MED9: variants seen among roughly 807,000 people sequenced by gnomAD.
The protein encoded by MED9 is mediator of RNA polymerase II transcription subunit 9.
In MED9, 8 loss-of-function variants were observed where a neutral mutation model predicts 13.2. The observed-to-expected ratio is 0.61, with a 90% confidence interval of 0.36 to 1.10. The LOEUF (loss-of-function observed/expected upper bound fraction) is 1.10, where lower values mean the gene tolerates loss of function less well. Among genes scored for constraint, MED9 ranks in the 50% least tolerant of loss-of-function variants. The pLI, the probability that MED9 is intolerant of heterozygous loss-of-function variation, is 0.02. For missense variants in MED9, 180 were observed against 193.4 expected (o/e 0.93, Z 0.41); for synonymous variants, 87 against 82.8 (o/e 1.05, Z -0.28).
chr17:17,489,963 C>G (rs1300786744), intron 1 of MED9, among the ~76,000 whole-genome samples: 1 of 152,188 alleles, frequency 6.6e-6, no homozygotes, highest in Non-Finnish European at 1.5e-5. Context: ...TGAATTAGCA[C>G]CATCTGGGTT....
intron 1 of MED9, among the ~76,000 whole-genome samples, chr17:17,481,530 T>C (rs1905033740): frequency 6.6e-6 from 1 of 152,226 alleles, no homozygotes; most frequent in South Asian, 2.1e-4. Flanking sequence ...GAATTACATA[T>C]GAATGTCATT....
At chr17:17,488,016 T>C (rs1182626747) in intron 1 of MED9, 1 of 152,258 alleles carries the variant, frequency 6.6e-6, no homozygotes, top group Non-Finnish European at 1.5e-5. Context: ...TAATGAGATT[T>C]CCCTTTTCTA....
At chr17:17,477,363 C>G (rs114377200) in intron 1 of MED9, 98 bp downstream of exon 1, 3 of 1,332,078 alleles carry the variant, frequency 2.3e-6, no homozygotes, top group Non-Finnish European at 3.0e-6. Context: ...GGGGCACGCC[C>G]CCGTTTCACA....
At chr17:17,482,015 A>G (rs1332009487) in intron 1 of MED9, among the ~76,000 whole-genome samples, 1 of 152,190 alleles carries the variant, frequency 6.6e-6, no homozygotes, top group African/African-American at 2.4e-5. Context: ...ACAAGTACCC[A>G]TGGATATGAA....
rs534005280 is a variant in MED9 at position 17,478,159 on chromosome 17, C to G, written c.224+894C>G. 8.5e-5 allele frequency among the ~76,000 whole-genome samples: 13 copies of G among 152,280 alleles called. No individual in the cohort carries two copies. The South Asian group carries it at 2.5e-3, about 29-fold the overall frequency. ...CACAGGCATGAGCCATGGCACCCAG[C>G]GAATTTTTGTATTTTTTGTAGAGAT... is the stretch of plus-strand genomic sequence containing the variant. On this transcript the variant is annotated intron_variant, in intron 1 of 1. Transcript: ENST00000268711.
intron 1 of MED9, among the ~76,000 whole-genome samples, chr17:17,484,692 A>G (rs1172491448): frequency 6.6e-6 from 1 of 152,248 alleles, no homozygotes; most frequent in African/African-American, 2.4e-5. Flanking sequence ...GACTGCTCAG[A>G]TGAGGTGTTT....
chr17:17,481,005 G>A lies in MED9; in HGVS notation c.224+3740G>A, dbSNP rs1372675485. 2.0e-5 allele frequency among the ~76,000 whole-genome samples: 3 copies of A among 152,210 alleles called. No individual in the cohort carries two copies. The East Asian group carries it at 5.8e-4, about 29-fold the overall frequency. ...GTATAGGAAAAACATGTAAGGACAC[G>A]AAGCCAAGAAATAGCATCTACTCAT... On this transcript the variant is annotated intron_variant, in intron 1 of 1. Coordinates refer to ENST00000268711, the MANE Select transcript of MED9 (RefSeq NM_018019.3).
In MED9 at chr17:17,491,456, G is replaced by C. The variant is rs771194558; in HGVS notation, c.402G>C (p.Lys134Asn). ...GGACCAAGAATGAGCTTCTGCAAAA[G>C]TACAAGAGCCTCTGCATGTTCGAAA... ...QVRTKNELLQ[K>N]YKSLCMFEIP... is the part of the protein sequence containing the mutation. The change falls in exon 2 of 2, where the codon AAG (lysine) becomes AAC (asparagine). Residue 134 changes from lysine (K) to asparagine (N), a missense_variant. Coordinates refer to ENST00000268711, the MANE Select transcript of MED9 (RefSeq NM_018019.3). 1 of 1,614,040 alleles carries C rather than the reference G, an allele frequency of 6.2e-7. No homozygotes were observed. The highest frequency in any genetic ancestry group is 1.1e-5 in the South Asian group (1 of 91,084).
At chr17:17,490,473 C>T (rs976816233) in intron 1 of MED9, among the ~76,000 whole-genome samples, 6 of 152,162 alleles carry the variant, frequency 3.9e-5, no homozygotes, top group African/African-American at 1.2e-4. Context: ...GAGCAACTGC[C>T]AGGCTGTTTT....
intron 1 of MED9, among the ~76,000 whole-genome samples, chr17:17,478,271 A>G (rs942698670): frequency 1.2e-4 from 19 of 152,214 alleles, no homozygotes; most frequent in African/African-American, 4.6e-4. Flanking sequence ...GTAAACCCCT[A>G]GGCTTGTAAC....
chr17:17,477,130 T>C lies in MED9; in HGVS notation c.89T>C (p.Leu30Pro). 1 of 1,607,766 alleles carries C rather than the reference T, an allele frequency of 6.2e-7. No individual in the cohort carries two copies. The highest frequency in any genetic ancestry group is 8.5e-7 in the Non-Finnish European group (1 of 1,178,226). ...CAGCCGCTGCCTGACACCAAGCCGC[T>C]GCCGCCTCCTCAGCCGCCGCCGGTC... is the stretch of plus-strand genomic sequence containing the variant. Reference protein sequence around the residue: ...SDQPLPDTKPLPPPQPPPVPA... With the variant: ...SDQPLPDTKPPPPPQPPPVPA... The change falls in exon 1 of 2, where the codon CTG (leucine) becomes CCG (proline). Residue 30 changes from leucine (L) to proline (P), a missense_variant. Leu to Pro is a moderately conservative substitution (Grantham distance 98, BLOSUM62 -3). Coordinates refer to ENST00000268711, the MANE Select transcript of MED9 (RefSeq NM_018019.3).
rs1904934678 is a variant in MED9 at position 17,477,091 on chromosome 17, C to T, written c.50C>T (p.Pro17Leu). 3 of 1,606,960 alleles carry T rather than the reference C, an allele frequency of 1.9e-6. No individual in the cohort carries two copies. The highest frequency in any genetic ancestry group is 4.5e-5 in the East Asian group (2 of 44,812). Residue 17 changes from proline to leucine, a missense_variant, in exon 1 of 2, where the codon CCG (proline) becomes CTG (leucine). Pro to Leu is a moderately conservative substitution (Grantham distance 98, BLOSUM62 -3). Coordinates refer to ENST00000268711, the MANE Select transcript of MED9 (RefSeq NM_018019.3). ...AAGRQAEDVL[P>L]PTSDQPLPDT... is the part of the protein sequence containing the mutation. ...GGGCGACAGGCGGAGGATGTATTGCCGCCAACGTCCGACCAGCCGCTGCCT... is the reference window on the plus strand; with the variant it reads ...GGGCGACAGGCGGAGGATGTATTGCTGCCAACGTCCGACCAGCCGCTGCCT...
intron 1 of MED9, among the ~76,000 whole-genome samples, chr17:17,477,928 C>G (rs1184218247): frequency 6.6e-6 from 1 of 152,220 alleles, no homozygotes; most frequent in Non-Finnish European, 1.5e-5. Flanking sequence ...CCTGAGTTTT[C>G]AAAGTGACTC....
chr17:17,479,679 T>A (rs1414020330), intron 1 of MED9, among the ~76,000 whole-genome samples: 3 of 151,932 alleles, frequency 2.0e-5, no homozygotes, highest in African/African-American at 7.3e-5. Context: ...ACAAAAAAAA[T>A]TAGCCAGGCA....
chr17:17,479,976 G>A (rs1905003324), intron 1 of MED9, among the ~76,000 whole-genome samples: 1 of 152,038 alleles, frequency 6.6e-6, no homozygotes, highest in African/African-American at 2.4e-5. Context: ...GGTGAAGGTG[G>A]GTCTAAGAAC....
In MED9 at chr17:17,488,702, G is replaced by A. The variant is rs149476797; in HGVS notation, c.225-2577G>A. 3.6e-3 allele frequency among the ~76,000 whole-genome samples: 549 copies of A among 152,194 alleles called. 1 individual carries two copies. Among genetic ancestry groups the A allele is most frequent in the African/African-American group, 0.013 (524 of 41,526 alleles). On this transcript the variant is annotated intron_variant, in intron 1 of 1. Coordinates refer to ENST00000268711, the MANE Select transcript of MED9 (RefSeq NM_018019.3). ...TACAAAATTAGCCGGGCGTGGTAGC[G>A]CATGCCTGTAATCCCAGCTACTCAG... is the stretch of plus-strand genomic sequence containing the variant.
In MED9 at chr17:17,491,704, A is replaced by G. The variant is rs962396583; in HGVS notation, c.*209A>G. The G allele has an allele frequency of 1.4e-5, 8 of 559,596 alleles. No homozygotes were observed. Among genetic ancestry groups the G allele is most frequent in the East Asian group, 6.0e-5 (2 of 33,310 alleles). The allele number at this position is 559,596 out of a possible 1,614,324, so 34.7% of individuals were successfully genotyped here. A position where few individuals can be genotyped will look rare whatever the true frequency, so the allele number is the denominator to read the frequency against. On this transcript the variant is annotated 3_prime_UTR_variant, in exon 2 of 2. Transcript: ENST00000268711. ...CGCCGGGGGTTCCTCGTGTAGATCC[A>G]TATGTCTAGATGCATAATAACTGGA...
intron 1 of MED9, among the ~76,000 whole-genome samples, chr17:17,488,904 T>A (rs1905184886): frequency 6.6e-6 from 1 of 152,238 alleles, no homozygotes. Flanking sequence ...CTTGCCTTGT[T>A]TGTACGATGT....
intron 1 of MED9, among the ~76,000 whole-genome samples, chr17:17,490,396 C>T (rs866102345): frequency 3.8e-4 from 58 of 152,308 alleles, no homozygotes; most frequent in African/African-American, 1.3e-3. Context: ...GAGCCGAGAT[C>T]GCACCACTGC....
Sources: allele counts gnomAD v4.1 joint callset (sites outside exome capture counted in the v4.1 genomes callset), GRCh38; gene constraint gnomAD v4.1.1; transcripts MANE v1.5; gene names NCBI Gene and HGNC (gene_info 2026-07-23, HGNC 2026-07-21).